Variants in CACNA1E observed in about 807,000 individuals in gnomAD.
CACNA1E encodes voltage-dependent R-type calcium channel subunit alpha-1E.
A neutral mutation model predicts 259.2 loss-of-function variants in CACNA1E; 40 were observed. That is an observed-to-expected ratio of 0.15 (90% CI 0.12 to 0.20). The LOEUF (loss-of-function observed/expected upper bound fraction) is 0.20, where lower values mean the gene tolerates loss of function less well. Ranked by LOEUF, CACNA1E falls within the 10% of genes least tolerant of loss-of-function variation. The pLI, the probability that CACNA1E is intolerant of heterozygous loss-of-function variation, is 1.00. For synonymous variants in CACNA1E, 1,104 were observed against 1,138.5 expected (o/e 0.97, Z 0.61); for missense variants, 1,874 against 3,040.1 (o/e 0.62, Z 9.02).
At chr1:181,490,421 A>G (rs1664210265) in intron 1 of CACNA1E, among the ~76,000 whole-genome samples, 1 of 151,174 alleles carries the variant, frequency 6.6e-6, no homozygotes, top group Non-Finnish European at 1.5e-5. Flanking sequence ...TTTGTAAAGC[A>G]GTAGTTAATC....
At chr1:181,725,000 T>G (rs537128140) in intron 17 of CACNA1E, among the ~76,000 whole-genome samples, 7 of 152,224 alleles carry the variant, frequency 4.6e-5, no homozygotes, top group Non-Finnish European at 1.0e-4. Flanking sequence ...AAAGGTCATT[T>G]TGGGGAAATT....
chr1:181,580,008 C>A (rs1651366433), intron 5 of CACNA1E, among the ~76,000 whole-genome samples: 2 of 152,100 alleles, frequency 1.3e-5, no homozygotes, highest in African/African-American at 4.8e-5. Flanking sequence ...AGTTGAGTAT[C>A]CTAGGAGGAA....
At chr1:181,795,137 G>T in intron 46 of CACNA1E, 93 bp downstream of exon 46, 4 of 1,060,462 alleles carry the variant, frequency 3.8e-6, no homozygotes, top group Non-Finnish European at 1.4e-6. Context: ...AACCAGAAAA[G>T]AATTCAGAGA....
intron 2 of CACNA1E, among the ~76,000 whole-genome samples, chr1:181,427,087 T>A (rs1659334497): frequency 1.3e-5 from 2 of 148,812 alleles, no homozygotes; most frequent in South Asian, 4.3e-4. Context: ...TCCCTTCCTA[T>A]CTCAACCCCT....
intron 1 of CACNA1E, among the ~76,000 whole-genome samples, chr1:181,386,318 G>A (rs1274347630): frequency 2.0e-5 from 3 of 152,208 alleles, no homozygotes; most frequent in Admixed American, 1.3e-4. Context: ...AGGGGCAGGG[G>A]AGGTGTTCCA....
chr1:181,460,581 T>A lies in CACNA1E; in HGVS notation c.435-23163T>A, dbSNP rs142498863. On this transcript the variant is annotated intron_variant, in intron 2 of 11. Transcript: ENST00000524607. ...TCAGCTGGGGAGAACTGAAGACCTTTACAGAAACCTCAGGACATTTTTATT... is the reference window on the plus strand; with the variant it reads ...TCAGCTGGGGAGAACTGAAGACCTTAACAGAAACCTCAGGACATTTTTATT... Among the ~76,000 whole-genome samples, 543 of 152,326 alleles carry A rather than the reference T, an allele frequency of 3.6e-3. 3 individuals are homozygous for A. Among genetic ancestry groups the A allele is most frequent in the Non-Finnish European group, 5.2e-3 (351 of 68,022 alleles).
At chr1:181,401,907 A>C (rs1424679154) in intron 1 of CACNA1E, among the ~76,000 whole-genome samples, 1 of 152,154 alleles carries the variant, frequency 6.6e-6, no homozygotes, top group Admixed American at 6.5e-5. Flanking sequence ...CGACACCTTA[A>C]ATACCGCCTA....
At chr1:181,688,831 G>GTGC (rs1420754882) in intron 7 of CACNA1E, among the ~76,000 whole-genome samples, 1 of 152,070 alleles carries the variant, frequency 6.6e-6, no homozygotes, top group Admixed American at 6.5e-5. Flanking sequence ...TAACCAGCAG[G>GTGC]TGCTGCTGGT....
intron 38 of CACNA1E, among the ~76,000 whole-genome samples, chr1:181,781,011 T>C (rs1375526664): frequency 1.3e-5 from 2 of 152,082 alleles, no homozygotes; most frequent in East Asian, 3.9e-4. Context: ...CACACAGCCC[T>C]GGGAATTGAA....
At position 181,763,532 on chromosome 1, in the gene CACNA1E, G is replaced by T; in HGVS notation, c.4815+1G>T. On this transcript the variant is annotated splice_donor_variant, in intron 34 of 47. Transcript: ENST00000367573. LOFTEE classifies it high-confidence loss of function. ...GTGGACCTTTGTGCAGTCCTTTAAGGTAAGAGGTACCAGCAAATCCTCTCT... is the reference window on the plus strand; with the variant it reads ...GTGGACCTTTGTGCAGTCCTTTAAGTTAAGAGGTACCAGCAAATCCTCTCT... 6.4e-7 allele frequency: 1 copy of T among 1,556,848 alleles called. No individual in the cohort carries two copies. Among genetic ancestry groups the T allele is most frequent in the Non-Finnish European group, 8.8e-7 (1 of 1,140,012 alleles).
intron 2 of CACNA1E, among the ~76,000 whole-genome samples, chr1:181,439,538 A>C (rs1216389425): frequency 6.6e-6 from 1 of 152,026 alleles, no homozygotes; most frequent in East Asian, 1.9e-4. Flanking sequence ...CAGGGCTGCA[A>C]CTCAGTCATC....
rs1326231903 is a variant in CACNA1E at position 181,757,982 on chromosome 1, T to C, written c.4365T>C (p.Pro1455=). The C allele has an allele frequency of 1.2e-6, 2 of 1,613,844 alleles. No homozygotes were observed. Among genetic ancestry groups the C allele is most frequent in the Admixed American group, 3.3e-5 (2 of 60,002 alleles). Residue 1455 remains proline (P), a synonymous_variant, in exon 31 of 48, where the codon CCT becomes CCC. Coordinates refer to ENST00000367573, the MANE Select transcript of CACNA1E (RefSeq NM_001205293.3). ...ACIDFAISAK[P]LTRYMPQNRH... is the part of the protein sequence containing the mutation. The stretch of plus-strand genomic sequence containing the variant: ...TCGACTTCGCCATCAGCGCCAAACC[T>C]CTCACCCGCTACATGCCGCAGAACA...
intron 46 of CACNA1E, 71 bp downstream of exon 46, chr1:181,795,115 A>AG (rs1299391196): frequency 7.9e-7 from 1 of 1,266,556 alleles, no homozygotes; most frequent in Non-Finnish European, 1.1e-6. Context: ...TTACTCTCCA[A>AG]GGACTGTAGA....
intron 1 of CACNA1E, among the ~76,000 whole-genome samples, chr1:181,325,882 C>A (rs1362989698): frequency 6.6e-6 from 1 of 152,146 alleles, no homozygotes; most frequent in Non-Finnish European, 1.5e-5. Context: ...CGGCGCTCCC[C>A]TCCCAGGCCG....
chr1:181,406,182 C>A lies in CACNA1E; in HGVS notation c.-14-6951C>A, dbSNP rs187858636. Among the ~76,000 whole-genome samples, 78 of 152,344 alleles carry A rather than the reference C, an allele frequency of 5.1e-4. 1 individual carries two copies. The highest frequency in any genetic ancestry group is 2.9e-3 in the Admixed American group (45 of 15,304). ...GTAGAGCAGAGTCTCTCTTTCCCAT[C>A]TTCCAGGCCAACTTGCATCATTAGA... is the stretch of plus-strand genomic sequence containing the variant. On this transcript the variant is annotated intron_variant, in intron 1 of 11. Coordinates refer to the CACNA1E transcript ENST00000524607.
At chr1:181,440,122 C>T (rs781304761) in intron 2 of CACNA1E, among the ~76,000 whole-genome samples, 8 of 152,222 alleles carry the variant, frequency 5.3e-5, no homozygotes, top group African/African-American at 1.4e-4. Context: ...TCAGGCAGCA[C>T]CTGTGATCAG....
chr1:181,507,186 C>T (rs1237041461), intron 1 of CACNA1E, among the ~76,000 whole-genome samples: 1 of 152,204 alleles, frequency 6.6e-6, no homozygotes, highest in Non-Finnish European at 1.5e-5. Flanking sequence ...AAACTCCCAC[C>T]TTTAGATTCT....
chr1:181,752,062 T>C, intron 26 of CACNA1E, 81 bp from the exon 27 acceptor site: 1 of 988,020 alleles, frequency 1.0e-6, no homozygotes, highest in Non-Finnish European at 1.6e-6. Context: ...TTTTAGCCTG[T>C]TGTTACTAAT....
At chr1:181,791,920 T>G (rs545101922) in intron 44 of CACNA1E, among the ~76,000 whole-genome samples, 11 of 152,294 alleles carry the variant, frequency 7.2e-5, no homozygotes, top group African/African-American at 2.6e-4. Context: ...CTCAAACAAA[T>G]GCGTGCTTCT....
Sources: gnomAD v4.1 joint callset for allele counts (sites outside exome capture counted in the v4.1 genomes callset) on GRCh38, gnomAD v4.1.1 for gene constraint, MANE v1.5 for transcripts, NCBI Gene and HGNC (gene_info 2026-07-23, HGNC 2026-07-21) for gene names.